AP2B1: variants seen among roughly 807,000 people sequenced by gnomAD.
The protein encoded by AP2B1 is adaptor related protein complex 2 subunit beta 1.
A neutral mutation model predicts 102.0 loss-of-function variants in AP2B1; 23 were observed. The ratio of observed to expected loss-of-function variants is 0.23; its 90% CI spans 0.16 to 0.32. AP2B1 has a LOEUF of 0.32. Among genes scored for constraint, AP2B1 ranks in the 10% least tolerant of loss-of-function variants. The pLI is 1.00. For synonymous variants in AP2B1, 381 were observed against 421.2 expected (o/e 0.90, Z 1.17); for missense variants, 541 against 1,157.4 (o/e 0.47, Z 7.73).
chr17:35,611,086 AAAAT>A (rs1031678708), intron 5 of AP2B1, among the ~76,000 whole-genome samples: 18 of 152,106 alleles, frequency 1.2e-4, no homozygotes, highest in African/African-American at 4.3e-4. Flanking sequence ...AAAATATAGA[AAAAT>A]AAATATTGTC....
chr17:35,664,103 C>T (rs2075411882), intron 14 of AP2B1, among the ~76,000 whole-genome samples: 1 of 152,028 alleles, frequency 6.6e-6, no homozygotes, highest in African/African-American at 2.4e-5. Flanking sequence ...CTCCGTTTCC[C>T]ATCTCTTCAC....
At chr17:35,593,644 T>G (rs2073171835) in intron 1 of AP2B1, among the ~76,000 whole-genome samples, 1 of 152,230 alleles carries the variant, frequency 6.6e-6, no homozygotes, top group Non-Finnish European at 1.5e-5. Flanking sequence ...TGATTCCAGC[T>G]TGAGGCAAGG....
intron 3 of AP2B1, among the ~76,000 whole-genome samples, chr17:35,602,206 T>C (rs1307743461): frequency 1.3e-5 from 2 of 152,222 alleles, no homozygotes; most frequent in African/African-American, 2.4e-5. Flanking sequence ...TTTTACTGTC[T>C]AGTTGATGAA....
chr17:35,708,843 A>G (rs1300528937), intron 18 of AP2B1, among the ~76,000 whole-genome samples: 1 of 152,192 alleles, frequency 6.6e-6, no homozygotes, highest in Non-Finnish European at 1.5e-5. Context: ...TGAGAGGGGA[A>G]TGATATCTAC....
intron 14 of AP2B1, among the ~76,000 whole-genome samples, chr17:35,664,482 A>G (rs183663805): frequency 6.6e-6 from 1 of 152,196 alleles, no homozygotes; most frequent in East Asian, 1.9e-4. Context: ...TGATGCAGAT[A>G]TTGTGCTCTA....
At chr17:35,680,569 C>T (rs921948114) in intron 17 of AP2B1, among the ~76,000 whole-genome samples, 6 of 151,564 alleles carry the variant, frequency 4.0e-5, no homozygotes, top group Non-Finnish European at 8.8e-5. Context: ...CAGGGTTTCT[C>T]TATGTTGCCC....
intron 18 of AP2B1, among the ~76,000 whole-genome samples, chr17:35,686,964 G>A (rs1208069350): frequency 1.3e-5 from 2 of 152,104 alleles, no homozygotes; most frequent in Non-Finnish European, 2.9e-5. Flanking sequence ...GTGACAGAGC[G>A]AGACTCCGTC....
rs1250790025 is a variant in AP2B1 at position 35,667,934 on chromosome 17, T to A, written c.1990-2923T>A. 8.3e-5 allele frequency among the ~76,000 whole-genome samples: 5 copies of A among 60,242 alleles called. No individual in the cohort carries two copies. In the South Asian group the frequency reaches 2.1e-3, roughly 26 times the overall value. The allele number at this position is 60,242 out of a possible 152,430, so 39.5% of individuals were successfully genotyped here. A position where few individuals can be genotyped will look rare whatever the true frequency, so the allele number is the denominator to read the frequency against. On this transcript the variant is annotated intron_variant, in intron 14 of 21. Coordinates refer to ENST00000610402, the MANE Select transcript of AP2B1 (RefSeq NM_001030006.2). The stretch of plus-strand genomic sequence containing the variant: ...CCATGGGTTTTCCTCGCTGCTCAAA[T>A]TTTTTTTTTTTTTTTTTTTTTGAGA...
Position 35,695,069 on chromosome 17 carries a change from A to G in AP2B1, c.2454+12245A>G, listed in dbSNP as rs374085641. 2.6e-5 allele frequency among the ~76,000 whole-genome samples: 4 copies of G among 152,294 alleles called. No individual in the cohort carries two copies. In the East Asian group the frequency reaches 7.7e-4, roughly 29 times the overall value. On this transcript the variant is annotated intron_variant, in intron 18 of 21. Transcript: ENST00000610402. Reference sequence around the variant, plus strand: ...GCTGTGTAGCTATCATTAAAGGGAAAAAGAAAGACTGGTCCCTTTCGGCTT... The same window carrying G: ...GCTGTGTAGCTATCATTAAAGGGAAGAAGAAAGACTGGTCCCTTTCGGCTT...
intron 9 of AP2B1, among the ~76,000 whole-genome samples, chr17:35,631,333 T>C (rs2074455282): frequency 6.6e-6 from 1 of 152,136 alleles, no homozygotes; most frequent in South Asian, 2.1e-4. Flanking sequence ...TTTTTCCTAT[T>C]AGGAAAACCA....
intron 17 of AP2B1, among the ~76,000 whole-genome samples, chr17:35,677,860 GTTT>G (rs35198677): frequency 5.5e-5 from 7 of 127,956 alleles, no homozygotes; most frequent in Non-Finnish European, 8.5e-5. Flanking sequence ...ATAGTAAATA[GTTT>G]TTTTTTTTTT....
At chr17:35,714,705 GTC>G (rs2076517992) in intron 20 of AP2B1, among the ~76,000 whole-genome samples, 2 of 152,116 alleles carry the variant, frequency 1.3e-5, no homozygotes, top group African/African-American at 2.4e-5. Flanking sequence ...GAAAGACTCT[GTC>G]GAGAGAGAGA....
chr17:35,673,819 C>T (rs1386098939), intron 16 of AP2B1, among the ~76,000 whole-genome samples: 1 of 152,110 alleles, frequency 6.6e-6, no homozygotes, highest in Non-Finnish European at 1.5e-5. Flanking sequence ...CAGAAAAACA[C>T]ATTATGCTCA....
chr17:35,636,102 A>C (rs148822156), intron 9 of AP2B1, among the ~76,000 whole-genome samples: 73 of 152,330 alleles, frequency 4.8e-4, no homozygotes, highest in African/African-American at 1.7e-3. Flanking sequence ...ATCATGAGGA[A>C]CATCCTTTTG....
chr17:35,637,027 T>C (rs1478515683), intron 10 of AP2B1, among the ~76,000 whole-genome samples: 2 of 152,220 alleles, frequency 1.3e-5, no homozygotes, highest in Non-Finnish European at 2.9e-5. Flanking sequence ...AATCTGCATT[T>C]TTACTTCACA....
At chr17:35,596,874 A>ATGC in intron 2 of AP2B1, 1 of 693,538 alleles carries the variant, frequency 1.4e-6, no homozygotes, top group Non-Finnish European at 2.7e-6. Flanking sequence ...AAGAAGCCAT[A>ATGC]TGCTGCTTCG....
chr17:35,619,774 T>A (rs889972962), intron 5 of AP2B1, among the ~76,000 whole-genome samples: 1 of 152,156 alleles, frequency 6.6e-6, no homozygotes, highest in Non-Finnish European at 1.5e-5. Context: ...GGATTTTTTT[T>A]AGTTTTTTAT....
chr17:35,718,674 C>A (rs2085260469), intron 21 of AP2B1, among the ~76,000 whole-genome samples: 1 of 151,640 alleles, frequency 6.6e-6, no homozygotes, highest in Non-Finnish European at 1.5e-5. Context: ...ATAGTGAGAC[C>A]TTGTCTCAAT....
intron 18 of AP2B1, among the ~76,000 whole-genome samples, chr17:35,686,962 G>A (rs1463543941): frequency 6.6e-6 from 1 of 152,126 alleles, no homozygotes; most frequent in East Asian, 1.9e-4. Context: ...GGGTGACAGA[G>A]CGAGACTCCG....
Sources: allele counts gnomAD v4.1 joint callset (sites outside exome capture counted in the v4.1 genomes callset), GRCh38; gene constraint gnomAD v4.1.1; transcripts MANE v1.5; gene names NCBI Gene and HGNC (gene_info 2026-07-23, HGNC 2026-07-21).